The following DLG2 variants were observed in gnomAD, a reference collection of about 807,000 sequenced individuals.
DLG2 encodes disks large homolog 2.
In DLG2, 45 loss-of-function variants were observed where a neutral mutation model predicts 132.5. The observed-to-expected ratio is 0.34, with a 90% CI of 0.27 to 0.44. The LOEUF is 0.44. Among genes scored for constraint, DLG2 ranks in the 20% least tolerant of loss-of-function variants. The pLI is 1.00. For synonymous variants in DLG2, 424 were observed against 419.6 expected (o/e 1.01, Z -0.13); for missense variants, 1,045 against 1,196.9 (o/e 0.87, Z 1.87).
At chr11:84,352,005 C>G (rs2098577707) in intron 7 of DLG2, among the ~76,000 whole-genome samples, 1 of 152,180 alleles carries the variant, frequency 6.6e-6, no homozygotes. Context: ...TAGTATCCAT[C>G]TTTGTGCCTA....
rs562435803 is a variant in DLG2 at position 84,115,054 on chromosome 11, T to A, written c.625-16007A>T. 3.7e-4 allele frequency among the ~76,000 whole-genome samples: 57 copies of A among 152,294 alleles called. No homozygotes were observed. The South Asian group carries it at 0.011, about 29-fold the overall frequency. On this transcript the variant is annotated intron_variant, in intron 9 of 27. Coordinates refer to ENST00000376104, the MANE Select transcript of DLG2 (RefSeq NM_001142699.3). ...GTCTGTAGTTTTATATTCTATTTGT[T>A]AAATGCAAGGCCCATTGGCAGTGGT...
chr11:84,505,458 T>TA (rs1207435575), intron 7 of DLG2, among the ~76,000 whole-genome samples: 1 of 152,182 alleles, frequency 6.6e-6, no homozygotes, highest in Non-Finnish European at 1.5e-5. Flanking sequence ...ACAGACCTAG[T>TA]AAAAATCACT....
intron 10 of DLG2, among the ~76,000 whole-genome samples, chr11:84,070,835 A>C (rs1169073713): frequency 2.0e-5 from 3 of 152,142 alleles, no homozygotes; most frequent in African/African-American, 7.2e-5. Flanking sequence ...TATAAACCTA[A>C]ATTCAAGGTC....
At chr11:83,646,387 A>G (rs1473356401) in intron 18 of DLG2, among the ~76,000 whole-genome samples, 1 of 149,678 alleles carries the variant, frequency 6.7e-6, no homozygotes, top group Non-Finnish European at 1.5e-5. Context: ...GGAAGGAAGG[A>G]AGGGAGGGAG....
intron 3 of DLG2, among the ~76,000 whole-genome samples, chr11:85,418,635 G>T (rs2090054189): frequency 6.6e-6 from 1 of 152,170 alleles, no homozygotes; most frequent in South Asian, 2.1e-4. Flanking sequence ...CCTGTATTAG[G>T]TGTATATATA....
At chr11:85,353,926 A>G (rs2083489716) in intron 3 of DLG2, among the ~76,000 whole-genome samples, 1 of 152,022 alleles carries the variant, frequency 6.6e-6, no homozygotes, top group Non-Finnish European at 1.5e-5. Context: ...AACATGGCGC[A>G]TGTATACATG....
chr11:84,647,021 CAT>C (rs1057038727), intron 6 of DLG2, among the ~76,000 whole-genome samples: 1 of 151,930 alleles, frequency 6.6e-6, no homozygotes, highest in Non-Finnish European at 1.5e-5. Flanking sequence ...ATGAAACAAA[CAT>C]AATACAAATT....
intron 2 of DLG2, among the ~76,000 whole-genome samples, chr11:85,624,298 C>T (rs2081922015): frequency 6.6e-6 from 1 of 152,160 alleles, no homozygotes; most frequent in Non-Finnish European, 1.5e-5. Flanking sequence ...ACCATGGTTG[C>T]ATGGTATCAG....
intron 6 of DLG2, among the ~76,000 whole-genome samples, chr11:84,974,306 A>T (rs774043449): frequency 1.3e-5 from 2 of 152,192 alleles, no homozygotes; most frequent in African/African-American, 2.4e-5. Flanking sequence ...ACTTACTGGC[A>T]TATGGTGGTA....
intron 3 of DLG2, among the ~76,000 whole-genome samples, chr11:85,379,554 G>A (rs2085705392): frequency 6.6e-6 from 1 of 152,156 alleles, no homozygotes; most frequent in South Asian, 2.1e-4. Context: ...GCTGGAGGAT[G>A]TGCACTCTGG....
intron 21 of DLG2, among the ~76,000 whole-genome samples, chr11:83,512,908 C>T (rs558666381): frequency 2.0e-5 from 3 of 152,168 alleles, no homozygotes; most frequent in South Asian, 4.1e-4. Context: ...ATATGTGCCA[C>T]ATTTTCTTAA....
intron 5 of DLG2, among the ~76,000 whole-genome samples, chr11:85,141,965 G>C (rs926290630): frequency 6.6e-6 from 1 of 151,816 alleles, no homozygotes; most frequent in Non-Finnish European, 1.5e-5. Context: ...TAGCTCTGTA[G>C]TATAATTTAA....
At position 85,226,248 on chromosome 11, in the gene DLG2, G is replaced by GTGGATGGATGGA. The variant is rs531246354; in HGVS notation, c.186+58960_186+58971dup. ...TAGAGCACATTTATTAGACATGTGGGTGGATGGATGGATGGATGGATGGAT... is the reference window on the plus strand; with the variant it reads ...TAGAGCACATTTATTAGACATGTGGGTGGATGGATGGATGGATGGATGGATGGATGGATGGAT... On this transcript the variant is annotated intron_variant, in intron 4 of 27. Coordinates refer to ENST00000376104, the MANE Select transcript of DLG2 (RefSeq NM_001142699.3). Among the ~76,000 whole-genome samples, 157 of 150,142 alleles carry GTGGATGGATGGA rather than the reference G, an allele frequency of 1.0e-3. 1 individual carries two copies. The highest frequency in any genetic ancestry group is 3.4e-3 in the African/African-American group (140 of 41,280).
intron 3 of DLG2, among the ~76,000 whole-genome samples, chr11:85,325,559 G>A (rs914751044): frequency 2.3e-5 from 3 of 128,808 alleles, no homozygotes; most frequent in Non-Finnish European, 4.9e-5. Context: ...GCAGCTGAGG[G>A]TCCTGTCTGT....
intron 3 of DLG2, among the ~76,000 whole-genome samples, chr11:85,376,249 G>A (rs924392734): frequency 8.5e-5 from 13 of 152,166 alleles, no homozygotes; most frequent in Non-Finnish European, 1.2e-4. Flanking sequence ...CTAACTGGAG[G>A]TGTCAGGGAA....
intron 6 of DLG2, among the ~76,000 whole-genome samples, chr11:84,611,376 G>C (rs2099595316): frequency 3.3e-5 from 5 of 152,184 alleles, no homozygotes. Flanking sequence ...GTGCTGAGTA[G>C]TGACTGTGTG....
intron 18 of DLG2, among the ~76,000 whole-genome samples, chr11:83,710,859 T>C (rs1322900173): frequency 6.6e-6 from 1 of 152,206 alleles, no homozygotes; most frequent in African/African-American, 2.4e-5. Context: ...AATGTAATAT[T>C]ATAAAGTATT....
chr11:84,575,392 C>T (rs1283015511), intron 6 of DLG2, among the ~76,000 whole-genome samples: 3 of 152,038 alleles, frequency 2.0e-5, no homozygotes, highest in Admixed American at 2.0e-4. Context: ...TCTTAGTTAC[C>T]TCCTATTTAT....
At chr11:84,386,080 T>C (rs990611139) in intron 7 of DLG2, among the ~76,000 whole-genome samples, 4 of 152,064 alleles carry the variant, frequency 2.6e-5, no homozygotes, top group African/African-American at 9.7e-5. Context: ...TTTATTACTT[T>C]TAAAGTAATG....
Sources: gnomAD v4.1 joint callset for allele counts (sites outside exome capture counted in the v4.1 genomes callset) on GRCh38, gnomAD v4.1.1 for gene constraint, MANE v1.5 for transcripts, NCBI Gene and HGNC (gene_info 2026-07-23, HGNC 2026-07-21) for gene names.